Variants in INVS observed in about 807,000 individuals in gnomAD.
INVS encodes the protein inversion of embryo turning homolog.
In INVS, 86 loss-of-function variants were observed where a neutral mutation model predicts 108.8. The observed-to-expected ratio is 0.79, with a 90% CI of 0.66 to 0.95. The LOEUF (loss-of-function observed/expected upper bound fraction) is 0.95, where lower values mean the gene tolerates loss of function less well. INVS is among the 40% of genes least tolerant of loss of function. INVS has a pLI of 0.00. For missense variants in INVS, 1,169 were observed against 1,297.4 expected, an observed-to-expected ratio of 0.90 and a Z score of 1.52; for synonymous variants, 455 against 473.5, an observed-to-expected ratio of 0.96 and a Z score of 0.51.
At chr9:100,133,768 C>CACACACACACACACACACACAG (rs1366986643) in intron 3 of INVS, among the ~76,000 whole-genome samples, 6 of 100,136 alleles carry the variant, frequency 6.0e-5, no homozygotes, top group African/African-American at 1.4e-4. Flanking sequence ...CAAAGCTACA[C>CACACACACACACACACACACAG]ACACACACAC....
chr9:100,132,035 T>G, intron 3 of INVS: 1 of 218,860 alleles, frequency 4.6e-6, no homozygotes, highest in Non-Finnish European at 7.7e-6. Flanking sequence ...CCTTCAGCTC[T>G]GTATTCCCCC....
intron 10 of INVS, among the ~76,000 whole-genome samples, chr9:100,261,313 T>A (rs1268548415): frequency 1.3e-5 from 2 of 150,770 alleles, no homozygotes; most frequent in Non-Finnish European, 3.0e-5. Flanking sequence ...TCACCCAAGC[T>A]GGAGTGCACT....
chr9:100,228,478 TA>T (rs942964452), intron 4 of INVS, among the ~76,000 whole-genome samples: 8 of 152,256 alleles, frequency 5.3e-5, no homozygotes, highest in Non-Finnish European at 1.0e-4. Flanking sequence ...CCTATGCATG[TA>T]TTTTTTTATA....
At chr9:100,209,556 G>A (rs896942154) in intron 3 of INVS, among the ~76,000 whole-genome samples, 5 of 152,040 alleles carry the variant, frequency 3.3e-5, no homozygotes, top group Non-Finnish European at 5.9e-5. Context: ...GGATCACAAG[G>A]TCAGGAGATC....
chr9:100,153,896 A>C (rs1828884623), intron 3 of INVS, among the ~76,000 whole-genome samples: 1 of 152,252 alleles, frequency 6.6e-6, no homozygotes, highest in African/African-American at 2.4e-5. Flanking sequence ...ATCACCTGTT[A>C]GGGATCCCAC....
intron 3 of INVS, among the ~76,000 whole-genome samples, chr9:100,219,469 C>T (rs970208236): frequency 6.6e-6 from 1 of 152,072 alleles, no homozygotes. Context: ...AAACTGTAAC[C>T]GTCAGATTGG....
chr9:100,112,197 C>T (rs921614190), intron 2 of INVS, among the ~76,000 whole-genome samples: 3 of 152,134 alleles, frequency 2.0e-5, no homozygotes. Flanking sequence ...GTCTCGAACT[C>T]CTGACCTCAG....
chr9:100,196,240 A>G (rs968844643), intron 3 of INVS, among the ~76,000 whole-genome samples: 6 of 152,052 alleles, frequency 3.9e-5, no homozygotes, highest in African/African-American at 1.5e-4. Context: ...GTCTTTTTCA[A>G]TGATTTCTCC....
chr9:100,140,796 C>A (rs1169073542), intron 3 of INVS, among the ~76,000 whole-genome samples: 1 of 151,942 alleles, frequency 6.6e-6, no homozygotes, highest in African/African-American at 2.4e-5. Flanking sequence ...TATTGTGGGA[C>A]TGTTAGGAGA....
chr9:100,260,771 T>C (rs1356184990), intron 10 of INVS, among the ~76,000 whole-genome samples: 2 of 152,166 alleles, frequency 1.3e-5, no homozygotes, highest in African/African-American at 4.8e-5. Flanking sequence ...CAAACTATGC[T>C]CTTAACCCAA....
intron 3 of INVS, among the ~76,000 whole-genome samples, chr9:100,141,003 G>A (rs1828409896): frequency 1.3e-5 from 2 of 152,170 alleles, no homozygotes; most frequent in South Asian, 2.1e-4. Context: ...TACTTCAAGA[G>A]TTAAGAGTGG....
intron 10 of INVS, among the ~76,000 whole-genome samples, chr9:100,256,877 T>C (rs1268384430): frequency 1.3e-5 from 2 of 152,234 alleles, no homozygotes; most frequent in African/African-American, 4.8e-5. Context: ...GAGAAGAATG[T>C]ATATTCTGTT....
At position 100,252,384 on chromosome 9, in the gene INVS, C is replaced by G. The variant is rs538746047; in HGVS notation, c.1180C>G (p.Leu394Val). Reference sequence around the variant, plus strand: ...TACTGATGTTATGAAACATACTCCACTTTTCCGAGCCTGTGAGATGGGACA... The same window carrying G: ...TACTGATGTTATGAAACATACTCCAGTTTTCCGAGCCTGTGAGATGGGACA... The part of the protein sequence containing the change: ...DATDVMKHTP[L>V]FRACEMGHKD... The change falls in exon 9 of 17, where the codon CTT (leucine) becomes GTT (valine). Residue 394 changes from leucine to valine, a missense_variant. By Grantham distance (32) the Leu-to-Val change is conservative. Around this residue, in one of 3 missense-constraint regions of INVS, gnomAD observed 271 missense variants for 363.8 expected, o/e 0.74. Transcript: ENST00000262457. 6.2e-7 allele frequency: 1 copy of G among 1,614,000 alleles called. No homozygotes were observed. The highest frequency in any genetic ancestry group is 1.7e-5 in the Admixed American group (1 of 60,014).
At chr9:100,265,238 C>T (rs555526105) in intron 11 of INVS, among the ~76,000 whole-genome samples, 32 of 152,136 alleles carry the variant, frequency 2.1e-4, no homozygotes, top group Non-Finnish European at 3.8e-4. Context: ...CTACCATGCC[C>T]AGCCAAGTTG....
chr9:100,103,109 T>A (rs914786529), intron 1 of INVS, among the ~76,000 whole-genome samples: 1 of 152,006 alleles, frequency 6.6e-6, no homozygotes, highest in African/African-American at 2.4e-5. Context: ...CGCCTTGCCC[T>A]CCCAAAGTGC....
rs368909169 is a variant in INVS at position 100,257,814 on chromosome 9, G to A, written c.1464+4678G>A. On this transcript the variant is annotated intron_variant, in intron 10 of 16. Transcript: ENST00000262457. ...ATGGGCTTCCCTTTGTGGGTAACCCGACCTATCTCTCTGGCTGCCCTTAAC... is the reference window on the plus strand; with the variant it reads ...ATGGGCTTCCCTTTGTGGGTAACCCAACCTATCTCTCTGGCTGCCCTTAAC... Among the ~76,000 whole-genome samples, 17 of 152,304 alleles carry A rather than the reference G, an allele frequency of 1.1e-4. No individual in the cohort carries two copies. In the East Asian group the frequency reaches 2.5e-3, roughly 22 times the overall value.
intron 2 of INVS, among the ~76,000 whole-genome samples, chr9:100,105,804 C>G (rs1332059565): frequency 6.8e-6 from 1 of 147,236 alleles, no homozygotes; most frequent in Non-Finnish European, 1.5e-5. Flanking sequence ...ACTACTCAGC[C>G]TTGATTCTAT....
At chr9:100,256,126 T>C (rs1832412491) in intron 10 of INVS, among the ~76,000 whole-genome samples, 2 of 152,236 alleles carry the variant, frequency 1.3e-5, no homozygotes, top group African/African-American at 2.4e-5. Context: ...TTCAACTTCT[T>C]CCTGGTTTAG....
At chr9:100,109,272 C>T (rs781667834) in intron 2 of INVS, among the ~76,000 whole-genome samples, 4 of 152,164 alleles carry the variant, frequency 2.6e-5, no homozygotes, top group African/African-American at 4.8e-5. Context: ...TAATATTTCA[C>T]TTGTGTGAGA....
Sources: allele counts gnomAD v4.1 joint callset (sites outside exome capture counted in the v4.1 genomes callset), GRCh38; gene constraint gnomAD v4.1.1; regional missense constraint gnomAD v4.1.1; transcripts MANE v1.5; gene names NCBI Gene and HGNC (gene_info 2026-07-23, HGNC 2026-07-21).